The following ADAM15 variants were observed in gnomAD, a reference collection of about 807,000 sequenced individuals.
The protein encoded by ADAM15 is disintegrin and metalloproteinase domain-containing protein 15.
A neutral mutation model predicts 113.8 loss-of-function variants in ADAM15; 77 were observed. That is an observed-to-expected ratio of 0.68 (90% CI 0.56 to 0.82). The LOEUF is 0.82. ADAM15 is among the 40% of genes least tolerant of loss of function. ADAM15 has a pLI of 0.00. For missense variants in ADAM15, 963 were observed against 1,120.1 expected (o/e 0.86, Z 2.00); for synonymous variants, 388 against 454.1 (o/e 0.85, Z 1.85).
Position 155,053,478 on chromosome 1 carries a change from A to G in ADAM15, c.248A>G (p.Glu83Gly), listed in dbSNP as rs753605166. 11 of 1,614,114 alleles carry G rather than the reference A, an allele frequency of 6.8e-6. No homozygotes were observed. In the East Asian group the frequency reaches 2.5e-4, roughly 36 times the overall value. Reference sequence around the variant, plus strand: ...CTGGACGGTGACAGTCATATCCTGGAGCTGCTACAGAATAGGTAATAGTGA... The same window carrying G: ...CTGGACGGTGACAGTCATATCCTGGGGCTGCTACAGAATAGGTAATAGTGA... ...LELDGDSHILELLQNRELVPG... is the reference protein window; with the variant it reads ...LELDGDSHILGLLQNRELVPG... The change falls in exon 3 of 23, where the codon GAG (glutamate) becomes GGG (glycine). Residue 83 changes from glutamate (E) to glycine (G), a missense_variant. Physicochemically the swap from Glu to Gly is moderately conservative, Grantham distance 98 (BLOSUM62 -2). Coordinates refer to ENST00000356955, the MANE Select transcript of ADAM15 (RefSeq NM_207197.3).
rs551151104 is a variant in ADAM15 at position 155,053,118 on chromosome 1, C to A, written c.187-299C>A. 6.6e-5 allele frequency among the ~76,000 whole-genome samples: 9 copies of A among 137,362 alleles called. 1 individual carries two copies. In the East Asian group the frequency reaches 6.7e-4, roughly 10 times the overall value. The allele number at this position is 137,362 out of a possible 152,430, so 90.1% of individuals were successfully genotyped here. On this transcript the variant is annotated intron_variant, in intron 2 of 22. Transcript: ENST00000356955. ...CAGGACCTTACCAAACCCCCCCCCC[C>A]CCACCCCATTCTAAAGCTGAGTCAG...
intron 6 of ADAM15, 94 bp downstream of exon 6, chr1:155,054,600 G>C: frequency 4.6e-6 from 6 of 1,317,850 alleles, no homozygotes; most frequent in Non-Finnish European, 5.1e-6. Context: ...AACAGCTCCT[G>C]CGAATGGAGC....
At position 155,060,352 on chromosome 1, in the gene ADAM15, A is replaced by G. The variant is rs780874229; in HGVS notation, c.2207+9A>G. On this transcript the variant is annotated intron_variant, in intron 18 of 22. Transcript: ENST00000356955. ...CCCACCTGCCAGTACAGGTATGAGCATCACCTCCCTGCTACCACTTCCTTC... is the reference window on the plus strand; with the variant it reads ...CCCACCTGCCAGTACAGGTATGAGCGTCACCTCCCTGCTACCACTTCCTTC... The G allele has an allele frequency of 1.2e-6, 2 of 1,612,644 alleles. No individual in the cohort carries two copies. The highest frequency in any genetic ancestry group is 1.7e-6 in the Non-Finnish European group (2 of 1,178,978).
At chr1:155,059,258 G>T (rs1662223506) in intron 16 of ADAM15, among the ~76,000 whole-genome samples, 1 of 152,026 alleles carries the variant, frequency 6.6e-6, no homozygotes, top group Non-Finnish European at 1.5e-5. Flanking sequence ...AGTAGAGATG[G>T]GTTTCACCAT....
chr1:155,062,213 C>A lies in ADAM15; in HGVS notation c.2425-32C>A. 6.9e-7 allele frequency: 1 copy of A among 1,446,766 alleles called. No individual in the cohort carries two copies. The highest frequency in any genetic ancestry group is 9.1e-7 in the Non-Finnish European group (1 of 1,096,970). 89.6% of individuals were successfully genotyped at this position (1,446,766 alleles called of 1,614,324 possible). On this transcript the variant is annotated intron_variant, in intron 21 of 22. Transcript: ENST00000356955. This position sits in a 1 kb window ranked among gnomAD's most constrained non-coding sequence, Gnocchi z 7.0. ...GGGTGGGCAACATGACACCCCCCCA[C>A]CTAAGCCGGCCTCCTGCCTTCTCTC...
rs1438635039 is a variant in ADAM15, at chr1:155,057,907, A to T, written c.1473A>T (p.Glu491Asp). ...CCAGAGGGGATTGTGACTTGCCTGA[A>T]TTCTGCCCAGGAGACAGCTCCCAGT... ...RPTRGDCDLPEFCPGDSSQCP... is the reference protein window; with the variant it reads ...RPTRGDCDLPDFCPGDSSQCP... Residue 491 changes from glutamate (E) to aspartate (D), a missense_variant, in exon 14 of 23, where the codon GAA (glutamate) becomes GAT (aspartate). By Grantham distance (45) the Glu-to-Asp change is conservative. Coordinates refer to ENST00000356955, the MANE Select transcript of ADAM15 (RefSeq NM_207197.3). This position sits in a 1 kb window ranked among gnomAD's most constrained non-coding sequence, Gnocchi z 5.0. 1.2e-6 allele frequency: 2 copies of T among 1,612,852 alleles called. No individual in the cohort carries two copies. The highest frequency in any genetic ancestry group is 2.2e-5 in the East Asian group (1 of 44,886).
chr1:155,051,419 C>A lies in ADAM15; in HGVS notation c.33C>A (p.Leu11=). 1 of 1,564,224 alleles carries A rather than the reference C, an allele frequency of 6.4e-7. No individual in the cohort carries two copies. Residue 11 remains leucine (L), a synonymous_variant, in exon 1 of 23, where the codon CTC becomes CTA. Coordinates refer to ENST00000356955, the MANE Select transcript of ADAM15 (RefSeq NM_207197.3). The part of the protein sequence containing the change: MRLALLWALG[L]LGAGSPLPSW... ...TGGCGCTGCTCTGGGCCCTGGGGCT[C>A]CTGGGCGCGGGCAGCCCTCTGCCTT...
Position 155,058,565 on chromosome 1 carries a change from C to A in ADAM15, c.1917+124C>A. 6.5e-7 allele frequency: 1 copy of A among 1,549,536 alleles called. No individual in the cohort carries two copies. The highest frequency in any genetic ancestry group is 8.7e-7 in the Non-Finnish European group (1 of 1,148,276). On this transcript the variant is annotated intron_variant, in intron 15 of 22. Coordinates refer to ENST00000356955, the MANE Select transcript of ADAM15 (RefSeq NM_207197.3). This position sits in a 1 kb window ranked among gnomAD's most constrained non-coding sequence, Gnocchi z 4.3. ...GACTCCAAGGGAAGTCAGTTTCTTACTTCAGATGGAGCAAAGTCCTATCAA... is the reference window on the plus strand; with the variant it reads ...GACTCCAAGGGAAGTCAGTTTCTTAATTCAGATGGAGCAAAGTCCTATCAA...
chr1:155,052,504 C>G (rs1445310563), intron 1 of ADAM15, 167 bp from the exon 2 acceptor site: 3 of 1,539,880 alleles, frequency 1.9e-6, no homozygotes, highest in Non-Finnish European at 2.6e-6. Context: ...AGAGAGACAC[C>G]CTCTCCTTCC....
chr1:155,051,887 T>G, intron 1 of ADAM15: 1 of 167,758 alleles, frequency 6.0e-6, no homozygotes, highest in African/African-American at 2.4e-5. Context: ...GTGAAGAGGA[T>G]TCTCTCTAGC....
chr1:155,061,289 G>A (rs1237796466), intron 19 of ADAM15, 126 bp from the exon 20 acceptor site: 2 of 657,742 alleles, frequency 3.0e-6, no homozygotes, highest in African/African-American at 1.8e-5. Flanking sequence ...CTGCATAACT[G>A]CATGCACAGC....
In ADAM15 at chr1:155,062,640, C is replaced by T. The variant is rs1662811103; in HGVS notation, c.*138C>T. 8.2e-7 allele frequency: 1 copy of T among 1,224,596 alleles called. No homozygotes were observed. The highest frequency in any genetic ancestry group is 1.1e-6 in the Non-Finnish European group (1 of 881,410). 75.9% of individuals were successfully genotyped at this position (1,224,596 alleles called of 1,614,324 possible). A position where few individuals can be genotyped will look rare whatever the true frequency, so the allele number is the denominator to read the frequency against. The stretch of plus-strand genomic sequence containing the variant: ...GACTCCGGGCACCGCCACGCGCTGT[C>T]AAGCAACACTCTGCGGACCTGCCGG... On this transcript the variant is annotated 3_prime_UTR_variant, in exon 23 of 23. Coordinates refer to ENST00000356955, the MANE Select transcript of ADAM15 (RefSeq NM_207197.3). This position sits in a 1 kb window ranked among gnomAD's most constrained non-coding sequence, Gnocchi z 7.0.
At chr1:155,051,550 G>C in intron 1 of ADAM15, 85 bp downstream of exon 1, 1 of 1,298,258 alleles carries the variant, frequency 7.7e-7, no homozygotes, top group Non-Finnish European at 1.0e-6. Flanking sequence ...AATGGGGCCG[G>C]ACGGAGACCC....
rs1293660151 is a variant in ADAM15, at chr1:155,054,420, G to A, written c.526G>A (p.Gly176Ser). ...GCGAATCCAAGATCTCCACCTGCCAGGCCACACCTGTGCCCTGAGCTGGCG... is the reference window on the plus strand; with the variant it reads ...GCGAATCCAAGATCTCCACCTGCCAAGCCACACCTGTGCCCTGAGCTGGCG... ...ISRIQDLHLP[G>S]HTCALSWRES... Residue 176 changes from glycine to serine, a missense_variant, in exon 6 of 23, where the codon GGC becomes AGC. Coordinates refer to ENST00000356955, the MANE Select transcript of ADAM15 (RefSeq NM_207197.3). The A allele has an allele frequency of 6.2e-7, 1 of 1,614,002 alleles. No individual in the cohort carries two copies. The highest frequency in any genetic ancestry group is 1.7e-5 in the Admixed American group (1 of 59,986).
chr1:155,061,625 T>C (rs1662623258), intron 20 of ADAM15, 136 bp downstream of exon 20: 1 of 1,004,006 alleles, frequency 1.0e-6, no homozygotes, highest in Non-Finnish European at 1.4e-6. Context: ...TCAGACACTC[T>C]GAGCCCCAGA....
At chr1:155,061,214 C>A (rs1662547078) in intron 19 of ADAM15, 1 of 588,066 alleles carries the variant, frequency 1.7e-6, no homozygotes, top group African/African-American at 1.9e-5. Flanking sequence ...CCACCCTGAG[C>A]CCTCTGCTTG....
chr1:155,057,992 A>G lies in ADAM15; in HGVS notation c.1558A>G (p.Met520Val). 1.2e-6 allele frequency: 2 copies of G among 1,613,510 alleles called. No individual in the cohort carries two copies. Among genetic ancestry groups the G allele is most frequent in the Non-Finnish European group, 1.7e-6 (2 of 1,180,028 alleles). Reference protein sequence around the residue: ...EPCAGGQAVCMHGRCASYAQQ... With the variant: ...EPCAGGQAVCVHGRCASYAQQ... The stretch of plus-strand genomic sequence containing the variant: ...CTGCGCTGGCGGGCAAGCTGTGTGC[A>G]TGCACGGGCGTTGTGCCTCCTATGC... Residue 520 changes from methionine (M) to valine (V), a missense_variant, in exon 14 of 23, where the codon ATG (methionine) becomes GTG (valine). Transcript: ENST00000356955. This position sits in a 1 kb window ranked among gnomAD's most constrained non-coding sequence, Gnocchi z 5.0.
At chr1:155,059,795 TACCCAGC>T (rs1223398736) in intron 16 of ADAM15, 100 bp from the exon 17 acceptor site, 12 of 1,238,472 alleles carry the variant, frequency 9.7e-6, no homozygotes, top group Non-Finnish European at 1.4e-5. Context: ...TCTACACACA[TACCCAGC>T]ACAACCCCCA....
Position 155,052,716 on chromosome 1 carries a change from A to C in ADAM15, c.125A>C (p.Glu42Ala). ...GCAGAGTCAGAGAAGGCCCCGAGGG[A>C]GCCCTTGGAGCCCCAGGTCCTTCAG... is the stretch of plus-strand genomic sequence containing the variant. The part of the protein sequence containing the change: ...QQAESEKAPR[E>A]PLEPQVLQDD... Residue 42 changes from glutamate to alanine, a missense_variant, in exon 2 of 23, where the codon GAG becomes GCG. Glu to Ala is a moderately radical substitution (Grantham distance 107, BLOSUM62 -1). Transcript: ENST00000356955. 1 of 1,612,238 alleles carries C rather than the reference A, an allele frequency of 6.2e-7. No homozygotes were observed. Among genetic ancestry groups the C allele is most frequent in the Non-Finnish European group, 8.5e-7 (1 of 1,179,566 alleles).
Sources: gnomAD v4.1 joint callset for allele counts (sites outside exome capture counted in the v4.1 genomes callset) on GRCh38, gnomAD v4.1.1 for gene constraint, Gnocchi (gnomAD v3.1) non-coding constraint, MANE v1.5 for transcripts, NCBI Gene and HGNC (gene_info 2026-07-23, HGNC 2026-07-21) for gene names.